NXPE2: variants seen among roughly 807,000 people sequenced by gnomAD.
The protein encoded by NXPE2 is neurexophilin and PC-esterase domain family member 2, also known as NXPE family member 2.
In NXPE2, 34 loss-of-function variants were observed where a neutral mutation model predicts 34.4. That is an observed-to-expected ratio of 0.99 (90% CI 0.75 to 1.31). The LOEUF is 1.31. Among genes scored for constraint, NXPE2 ranks in the 40% most tolerant of loss-of-function variants. NXPE2 has a pLI of 0.00. For synonymous variants in NXPE2, 235 were observed against 231.3 expected (o/e 1.02, Z -0.15); for missense variants, 649 against 672.5 (o/e 0.97, Z 0.39).
At chr11:114,713,426 C>A in the NXPE2 span, among the ~76,000 whole-genome samples, 22 of 152,182 alleles carry the variant, frequency 1.4e-4, no homozygotes, top group East Asian at 3.3e-3. Context: ...AAATGAAATA[C>A]AATTGTCCCT....
intron 2 of NXPE2, among the ~76,000 whole-genome samples, chr11:114,694,301 G>C (rs1367273868): frequency 6.6e-6 from 1 of 152,174 alleles, no homozygotes; most frequent in East Asian, 1.9e-4. Flanking sequence ...TGGAGAAGAG[G>C]ACATAGATAT....
chr11:114,475,845 A>G, the NXPE2 span, among the ~76,000 whole-genome samples: 563 of 152,328 alleles, frequency 3.7e-3, 4 homozygotes, highest in Non-Finnish European at 5.7e-3. Flanking sequence ...TGGATTTATT[A>G]CCGGGAGAGA....
the NXPE2 span, among the ~76,000 whole-genome samples, chr11:114,617,698 G>A: frequency 1.2e-4 from 18 of 152,112 alleles, no homozygotes; most frequent in East Asian, 3.9e-4. Context: ...GTACTGCCTC[G>A]TGGGTAACCA....
At chr11:114,541,796 A>AGAAAGAACCAAACAAATTTTAC in the NXPE2 span, among the ~76,000 whole-genome samples, 1 of 152,230 alleles carries the variant, frequency 6.6e-6, no homozygotes, top group African/African-American at 2.4e-5. Context: ...CTTAGTCCTC[A>AGAAAGAACCAAACAAATTTTAC]GAAAGAACCA....
At chr11:114,543,217 A>G in the NXPE2 span, among the ~76,000 whole-genome samples, 1 of 152,132 alleles carries the variant, frequency 6.6e-6, no homozygotes, top group Non-Finnish European at 1.5e-5. Context: ...TTAGTTGGGC[A>G]TGGTGGCGGG....
At chr11:114,646,412 G>A in the NXPE2 span, among the ~76,000 whole-genome samples, 1 of 151,660 alleles carries the variant, frequency 6.6e-6, no homozygotes, top group African/African-American at 2.4e-5. Context: ...GTATTTCAGT[G>A]AATTATATTT....
At chr11:114,482,044 A>ATGTG in the NXPE2 span, among the ~76,000 whole-genome samples, 12 of 135,632 alleles carry the variant, frequency 8.8e-5, no homozygotes, top group Admixed American at 7.2e-4. Context: ...CAACTGAAGA[A>ATGTG]TGAAAGATGG....
chr11:114,684,516 A>G (rs920562468), intron 2 of NXPE2, among the ~76,000 whole-genome samples: 7 of 152,184 alleles, frequency 4.6e-5, no homozygotes, highest in East Asian at 3.9e-4. Context: ...ATTTCCTTGG[A>G]TGAAGTATAA....
the NXPE2 span, chr11:114,512,965 T>G: frequency 2.9e-6 from 1 of 339,014 alleles, no homozygotes; most frequent in Admixed American, 3.9e-5. Flanking sequence ...GTCACAGTGT[T>G]GGTGTCTCGC....
chr11:114,564,907 A>T, the NXPE2 span, among the ~76,000 whole-genome samples: 3 of 152,196 alleles, frequency 2.0e-5, no homozygotes, highest in African/African-American at 7.2e-5. Context: ...TCTATACTCT[A>T]TAAAAGATTA....
At chr11:114,763,576 G>T in the NXPE2 span, among the ~76,000 whole-genome samples, 1 of 152,098 alleles carries the variant, frequency 6.6e-6, no homozygotes, top group Non-Finnish European at 1.5e-5. Flanking sequence ...GTCACATCTG[G>T]CTCTGAGATT....
chr11:114,676,689 C>T (rs545532091), upstream of NXPE2, among the ~76,000 whole-genome samples: 1 of 152,066 alleles, frequency 6.6e-6, no homozygotes, highest in Admixed American at 6.6e-5. Context: ...TTTTGGATAA[C>T]AGTATGGAGA....
the NXPE2 span, among the ~76,000 whole-genome samples, chr11:114,620,790 A>G: frequency 6.6e-6 from 1 of 151,944 alleles, no homozygotes; most frequent in Non-Finnish European, 1.5e-5. Flanking sequence ...CTGGTGGATA[A>G]TAAGTGTTGC....
At chr11:114,604,312 C>A in the NXPE2 span, among the ~76,000 whole-genome samples, 2 of 151,902 alleles carry the variant, frequency 1.3e-5, no homozygotes, top group African/African-American at 2.4e-5. Flanking sequence ...CAATTCTTAC[C>A]CTGTGGAAAA....
the NXPE2 span, among the ~76,000 whole-genome samples, chr11:114,786,643 C>A: frequency 6.6e-6 from 1 of 152,046 alleles, no homozygotes; most frequent in Non-Finnish European, 1.5e-5. Flanking sequence ...GGTGGGCATC[C>A]GAAAAATATC....
At chr11:114,643,912 A>AT in the NXPE2 span, among the ~76,000 whole-genome samples, 2 of 151,920 alleles carry the variant, frequency 1.3e-5, no homozygotes, top group Non-Finnish European at 2.9e-5. Flanking sequence ...GTGTTTTTCC[A>AT]TTTTTTTGTG....
the NXPE2 span, chr11:114,583,417 C>A: frequency 1.5e-6 from 1 of 651,476 alleles, no homozygotes; most frequent in Admixed American, 1.9e-5. Flanking sequence ...AAACCCATCA[C>A]CCTCACAAAG....
the NXPE2 span, among the ~76,000 whole-genome samples, chr11:114,563,897 T>A: frequency 1.3e-5 from 2 of 152,172 alleles, no homozygotes; most frequent in African/African-American, 2.4e-5. Context: ...ACAACCATTG[T>A]GGAAAACAGT....
chr11:114,600,361 A>G, the NXPE2 span, among the ~76,000 whole-genome samples: 45 of 152,270 alleles, frequency 3.0e-4, no homozygotes, highest in East Asian at 1.5e-3. Context: ...AAACAAAAAT[A>G]GTTATACATG....
Sources: gnomAD v4.1 joint callset for allele counts (sites outside exome capture counted in the v4.1 genomes callset) on GRCh38, gnomAD v4.1.1 for gene constraint, MANE v1.5 for transcripts, NCBI Gene and HGNC (gene_info 2026-07-23, HGNC 2026-07-21) for gene names.